Variants in CDK5RAP2 observed in about 807,000 individuals in gnomAD.
The protein encoded by CDK5RAP2 is CDK5 regulatory subunit-associated protein 2.
CDK5RAP2 carries 147 observed loss-of-function variants against 232.9 expected under a neutral mutation model. That is an observed-to-expected ratio of 0.63 (90% CI 0.55 to 0.72). CDK5RAP2 has a LOEUF of 0.72. CDK5RAP2 is among the 30% of genes least tolerant of loss of function. The pLI is 0.00. For synonymous variants in CDK5RAP2, 833 were observed against 833.7 expected (o/e 1.00, Z 0.01); for missense variants, 2,195 against 2,231.5 (o/e 0.98, Z 0.33).
At chr9:120,507,609 T>C (rs1307412655) in intron 12 of CDK5RAP2, among the ~76,000 whole-genome samples, 1 of 152,036 alleles carries the variant, frequency 6.6e-6, no homozygotes, top group African/African-American at 2.4e-5. Context: ...TTATATTTTA[T>C]TTCAATAAAA....
At chr9:120,576,784 T>C (rs2043048751) in intron 1 of CDK5RAP2, among the ~76,000 whole-genome samples, 2 of 151,188 alleles carry the variant, frequency 1.3e-5, no homozygotes, top group East Asian at 3.9e-4. Context: ...ACAATAAAAA[T>C]ATCAGTGAAG....
At chr9:120,549,310 T>C (rs2041967468) in intron 4 of CDK5RAP2, among the ~76,000 whole-genome samples, 2 of 152,216 alleles carry the variant, frequency 1.3e-5, no homozygotes, top group Admixed American at 1.3e-4. Flanking sequence ...AAAATTCCTC[T>C]GCATAAGCAA....
chr9:120,509,611 A>G (rs2039985912), intron 12 of CDK5RAP2, among the ~76,000 whole-genome samples: 1 of 152,214 alleles, frequency 6.6e-6, no homozygotes, highest in African/African-American at 2.4e-5. Context: ...AAAGATGGCC[A>G]CTGAAATTGC....
chr9:120,428,015 A>G (rs576756255), intron 25 of CDK5RAP2, among the ~76,000 whole-genome samples: 45 of 152,336 alleles, frequency 3.0e-4, no homozygotes, highest in Admixed American at 2.0e-3. Flanking sequence ...TACTGGGTAC[A>G]TAACGAAATG....
At chr9:120,396,777 G>GTACT (rs2032503759) in intron 35 of CDK5RAP2, among the ~76,000 whole-genome samples, 2 of 152,188 alleles carry the variant, frequency 1.3e-5, no homozygotes, top group South Asian at 4.1e-4. Context: ...ATTCTATCCA[G>GTACT]TACTTACAAC....
At chr9:120,557,858 G>A (rs1278291764) in intron 3 of CDK5RAP2, among the ~76,000 whole-genome samples, 6 of 148,088 alleles carry the variant, frequency 4.1e-5, no homozygotes, top group African/African-American at 9.9e-5. Context: ...TCCGCCTTCC[G>A]GGTTCAAGCG....
chr9:120,432,363 TG>T (rs2035333373), intron 25 of CDK5RAP2, among the ~76,000 whole-genome samples: 1 of 152,254 alleles, frequency 6.6e-6, no homozygotes, highest in Non-Finnish European at 1.5e-5. Context: ...CTTTGTTGTG[TG>T]ATGCAACTAT....
At chr9:120,438,341 T>C (rs1265154155) in intron 24 of CDK5RAP2, among the ~76,000 whole-genome samples, 2 of 152,180 alleles carry the variant, frequency 1.3e-5, no homozygotes, top group Non-Finnish European at 2.9e-5. Flanking sequence ...ATTTTCTCCT[T>C]CCTGGAAATG....
At chr9:120,448,917 C>T (rs1379801462) in intron 21 of CDK5RAP2, among the ~76,000 whole-genome samples, 1 of 152,208 alleles carries the variant, frequency 6.6e-6, no homozygotes, top group African/African-American at 2.4e-5. Context: ...GTCATGGCAA[C>T]AGTCTCCTGG....
intron 21 of CDK5RAP2, among the ~76,000 whole-genome samples, chr9:120,449,069 C>A (rs1328772145): frequency 1.3e-5 from 2 of 152,206 alleles, no homozygotes; most frequent in Non-Finnish European, 2.9e-5. Context: ...AACATCCATA[C>A]CACAGCCTAC....
chr9:120,474,568 T>C (rs2037898979), intron 15 of CDK5RAP2, among the ~76,000 whole-genome samples: 1 of 152,164 alleles, frequency 6.6e-6, no homozygotes, highest in Non-Finnish European at 1.5e-5. Context: ...GTCCTCAAGA[T>C]GGGGAGTGTA....
chr9:120,573,590 G>A (rs1483690480), intron 1 of CDK5RAP2, among the ~76,000 whole-genome samples: 3 of 151,202 alleles, frequency 2.0e-5, no homozygotes, highest in African/African-American at 4.9e-5. Context: ...CCCCTGTAAA[G>A]GTAAATGAAA....
chr9:120,404,249 CCT>C (rs2033278995), intron 32 of CDK5RAP2, 136 bp from the exon 33 acceptor site: 5 of 706,372 alleles, frequency 7.1e-6, no homozygotes, highest in Admixed American at 6.0e-5. Context: ...CTTCACTGGG[CCT>C]CTGTCCTGCC....
intron 27 of CDK5RAP2, 35 bp downstream of exon 27, chr9:120,419,748 ATCAGG>A (rs781257373): frequency 6.7e-7 from 1 of 1,489,524 alleles, no homozygotes; most frequent in Non-Finnish European, 9.4e-7. Context: ...TATTGTTTTA[ATCAGG>A]CCATGTTTAA....
At chr9:120,447,511 G>T (rs7040986) in intron 22 of CDK5RAP2, among the ~76,000 whole-genome samples, 3,775 of 152,250 alleles carry the variant, frequency 0.025, 157 homozygotes, top group African/African-American at 0.085. Context: ...GCCCCAAGTT[G>T]GCCTGGACAT....
At chr9:120,568,051 C>T (rs2042709928) in intron 3 of CDK5RAP2, among the ~76,000 whole-genome samples, 1 of 152,184 alleles carries the variant, frequency 6.6e-6, no homozygotes, top group South Asian at 2.1e-4. Context: ...ACCAGAAAGA[C>T]ACCAAACCTG....
At chr9:120,413,855 A>G (rs563333124) in intron 28 of CDK5RAP2, among the ~76,000 whole-genome samples, 76 of 149,676 alleles carry the variant, frequency 5.1e-4, no homozygotes, top group African/African-American at 1.8e-3. Flanking sequence ...AGGAGGAGGG[A>G]GGGAGAGGGC....
Position 120,415,032 on chromosome 9 carries a change from T to C in CDK5RAP2, c.4297+8A>G. ...CATGTACAGTCCTCCAGGAAGGTCTTTCCTTACCTTGAACAAATTCAGATC... is the reference window on the plus strand; with the variant it reads ...CATGTACAGTCCTCCAGGAAGGTCTCTCCTTACCTTGAACAAATTCAGATC... On this transcript the variant is annotated splice_region_variant and intron_variant, in intron 28 of 37. Transcript: ENST00000349780. 6.2e-7 allele frequency: 1 copy of C among 1,614,090 alleles called. No homozygotes were observed. The highest frequency in any genetic ancestry group is 8.5e-7 in the Non-Finnish European group (1 of 1,179,914).
At chr9:120,425,328 TAATGCATTG>T (rs2131396484) in intron 25 of CDK5RAP2, among the ~76,000 whole-genome samples, 2 of 152,288 alleles carry the variant, frequency 1.3e-5, no homozygotes, top group Non-Finnish European at 2.9e-5. Context: ...TCACAACAAC[TAATGCATTG>T]AATTTCTGGG....
Sources: gnomAD v4.1 joint callset for allele counts (sites outside exome capture counted in the v4.1 genomes callset) on GRCh38, gnomAD v4.1.1 for gene constraint, MANE v1.5 for transcripts, NCBI Gene and HGNC (gene_info 2026-07-23, HGNC 2026-07-21) for gene names.